The following CNNM2 variants were observed in gnomAD, a reference collection of about 807,000 sequenced individuals.
CNNM2 encodes cyclin and CBS domain divalent metal cation transport mediator 2, also known as metal transporter CNNM2.
CNNM2 carries 12 observed loss-of-function variants against 66.9 expected under a neutral mutation model. The observed-to-expected ratio is 0.18, with a 90% CI of 0.11 to 0.29. The LOEUF (loss-of-function observed/expected upper bound fraction) is 0.29, where lower values mean the gene tolerates loss of function less well. Among genes scored for constraint, CNNM2 ranks in the 10% least tolerant of loss-of-function variants. The pLI, the probability that CNNM2 is intolerant of heterozygous loss-of-function variation, is 1.00. For synonymous variants in CNNM2, 557 were observed against 501.8 expected (o/e 1.11, Z -1.47); for missense variants, 705 against 1,167.7 (o/e 0.60, Z 5.77).
chr10:103,051,684 G>A (rs139287241), intron 2 of CNNM2, among the ~76,000 whole-genome samples: 6 of 152,114 alleles, frequency 3.9e-5, no homozygotes, highest in Middle Eastern at 3.4e-3. Context: ...AGGTTGCAGT[G>A]AGCCGAGATT....
At chr10:103,049,894 T>C (rs367740054) in intron 2 of CNNM2, 44 bp downstream of exon 2, 153 of 1,596,336 alleles carry the variant, frequency 9.6e-5, no homozygotes, top group Non-Finnish European at 1.1e-4. Flanking sequence ...CCTTTGCTTT[T>C]TTTGTTGTGC....
At chr10:102,974,007 C>T (rs530090202) in intron 1 of CNNM2, among the ~76,000 whole-genome samples, 1 of 152,330 alleles carries the variant, frequency 6.6e-6, no homozygotes, top group African/African-American at 2.4e-5. Flanking sequence ...TAACTATTGA[C>T]AAAGAACAGG....
In CNNM2 at chr10:103,089,509, C is replaced by T. The variant is rs1343203076; in HGVS notation, c.*12329C>T. On this transcript the variant is annotated 3_prime_UTR_variant, in exon 8 of 8. Coordinates refer to ENST00000369878, the MANE Select transcript of CNNM2 (RefSeq NM_017649.5). ...TGCAGAGAGTACAGATACACAAAACCAAAACAAGTATCTATGATAATAAAA... is the reference window on the plus strand; with the variant it reads ...TGCAGAGAGTACAGATACACAAAACTAAAACAAGTATCTATGATAATAAAA... The T allele has an allele frequency of 2.3e-6, 3 of 1,316,628 alleles. No individual in the cohort carries two copies. Among genetic ancestry groups the T allele is most frequent in the Non-Finnish European group, 3.0e-6 (3 of 998,682 alleles). The allele number at this position is 1,316,628 out of a possible 1,614,324, so 81.6% of individuals were successfully genotyped here.
intron 1 of CNNM2, among the ~76,000 whole-genome samples, chr10:102,938,964 TAAAC>T (rs1440976993): frequency 1.3e-5 from 2 of 152,054 alleles, no homozygotes; most frequent in African/African-American, 4.8e-5. Context: ...GAGACTAAAA[TAAAC>T]AAGCAGACAA....
At chr10:102,990,744 C>T (rs1189819934) in intron 1 of CNNM2, among the ~76,000 whole-genome samples, 11 of 152,144 alleles carry the variant, frequency 7.2e-5, no homozygotes, top group Non-Finnish European at 1.5e-4. Context: ...TTCTTTCCAT[C>T]CACTCTTGCA....
chr10:103,044,410 G>C (rs1038118915), intron 1 of CNNM2, among the ~76,000 whole-genome samples: 2 of 152,136 alleles, frequency 1.3e-5, no homozygotes, highest in African/African-American at 2.4e-5. Flanking sequence ...TTAAAAATTA[G>C]TTGGGCATGG....
At chr10:103,076,347 C>T (rs1008951973) in intron 7 of CNNM2, 77 bp downstream of exon 7, 3 of 1,407,130 alleles carry the variant, frequency 2.1e-6, no homozygotes, top group Non-Finnish European at 2.9e-6. Flanking sequence ...TGTTTTGCTC[C>T]TTGCCCTCCT....
At chr10:102,995,513 C>T (rs2063980733) in intron 1 of CNNM2, among the ~76,000 whole-genome samples, 1 of 151,544 alleles carries the variant, frequency 6.6e-6, no homozygotes, top group Admixed American at 6.6e-5. Context: ...CCTGTCCTTT[C>T]TCTTTCTTGC....
At position 103,076,346 on chromosome 10, in the gene CNNM2, C is replaced by A; in HGVS notation, c.2418+76C>A. On this transcript the variant is annotated intron_variant, in intron 7 of 7. Coordinates refer to ENST00000369878, the MANE Select transcript of CNNM2 (RefSeq NM_017649.5). ...TCCCTGGCAAATTGTCTGTTTTGCTCCTTGCCCTCCTCAGAACTCTCCCTT... is the reference window on the plus strand; with the variant it reads ...TCCCTGGCAAATTGTCTGTTTTGCTACTTGCCCTCCTCAGAACTCTCCCTT... 12 of 1,405,798 alleles carry A rather than the reference C, an allele frequency of 8.5e-6. No homozygotes were observed. In the South Asian group the frequency reaches 1.4e-4, roughly 17 times the overall value. The allele number at this position is 1,405,798 out of a possible 1,614,324, so 87.1% of individuals were successfully genotyped here. A position where few individuals can be genotyped will look rare whatever the true frequency, so the allele number is the denominator to read the frequency against.
chr10:103,040,830 G>A (rs905235696), intron 1 of CNNM2, among the ~76,000 whole-genome samples: 2 of 152,146 alleles, frequency 1.3e-5, no homozygotes, highest in African/African-American at 4.8e-5. Context: ...TGTTCCTCCC[G>A]TGACATAGTT....
intron 1 of CNNM2, among the ~76,000 whole-genome samples, chr10:102,928,846 T>C (rs956744032): frequency 2.6e-5 from 4 of 152,194 alleles, no homozygotes; most frequent in African/African-American, 9.7e-5. Context: ...CATGAAATTT[T>C]GAGAGGACGC....
At chr10:102,956,050 G>T (rs910256422) in intron 1 of CNNM2, among the ~76,000 whole-genome samples, 2 of 152,190 alleles carry the variant, frequency 1.3e-5, no homozygotes, top group African/African-American at 4.8e-5. Flanking sequence ...CACTTTGGGA[G>T]GCTGAGGCGG....
At chr10:102,960,924 G>A (rs986015478) in intron 1 of CNNM2, among the ~76,000 whole-genome samples, 9 of 146,036 alleles carry the variant, frequency 6.2e-5, no homozygotes, top group Admixed American at 4.9e-4. Flanking sequence ...ACAGAGTTTC[G>A]CTCTTGTTGT....
At chr10:102,948,260 A>C (rs1846694149) in intron 1 of CNNM2, among the ~76,000 whole-genome samples, 1 of 152,138 alleles carries the variant, frequency 6.6e-6, no homozygotes, top group Admixed American at 6.6e-5. Flanking sequence ...GAATAAACTC[A>C]TCTGCATGTG....
chr10:102,939,027 C>CA lies in CNNM2; in HGVS notation c.1621+18931dup, dbSNP rs1347049330. Among the ~76,000 whole-genome samples, 3 of 152,068 alleles carry CA rather than the reference C, an allele frequency of 2.0e-5. No individual in the cohort carries two copies. In the East Asian group the frequency reaches 5.8e-4, roughly 29 times the overall value. On this transcript the variant is annotated intron_variant, in intron 1 of 7. Coordinates refer to ENST00000369878, the MANE Select transcript of CNNM2 (RefSeq NM_017649.5). ...ATTTATCTCACATTACCTAAATATC[C>CA]AAAAAGTCAGCAGTTATTACTTTAT...
intron 2 of CNNM2, among the ~76,000 whole-genome samples, chr10:103,053,380 G>C (rs2065247124): frequency 6.6e-6 from 1 of 152,154 alleles, no homozygotes; most frequent in African/African-American, 2.4e-5. Context: ...AGCTGGGCGT[G>C]GTGGCACACA....
intron 1 of CNNM2, among the ~76,000 whole-genome samples, chr10:103,033,689 GT>G (rs2064873398): frequency 6.6e-6 from 1 of 152,008 alleles, no homozygotes; most frequent in Non-Finnish European, 1.5e-5. Context: ...GTTTCACCAT[GT>G]TGGCCAGGCT....
rs1336692660 is a variant in CNNM2, at chr10:103,088,098, C to A, written c.*10918C>A. On this transcript the variant is annotated 3_prime_UTR_variant, in exon 8 of 8. Coordinates refer to ENST00000369878, the MANE Select transcript of CNNM2 (RefSeq NM_017649.5). ...TCAAACTGATGTCACCAAATCTAAA[C>A]CCACTTGAAGACCAATAGCTATTAC... 4 of 152,162 alleles carry A rather than the reference C, an allele frequency of 2.6e-5. No individual in the cohort carries two copies. The highest frequency in any genetic ancestry group is 2.0e-4 in the Admixed American group (3 of 15,284). 9.4% of individuals were successfully genotyped at this position (152,162 alleles called of 1,614,324 possible).
intron 1 of CNNM2, among the ~76,000 whole-genome samples, chr10:102,930,732 G>T (rs1245210772): frequency 6.6e-6 from 1 of 152,066 alleles, no homozygotes; most frequent in Non-Finnish European, 1.5e-5. Context: ...CCTAGTCACT[G>T]GCAACTAATT....
Sources: gnomAD v4.1 joint callset for allele counts (sites outside exome capture counted in the v4.1 genomes callset) on GRCh38, gnomAD v4.1.1 for gene constraint, MANE v1.5 for transcripts, NCBI Gene and HGNC (gene_info 2026-07-23, HGNC 2026-07-21) for gene names.